The following MYPN variants were observed in gnomAD, a reference collection of about 807,000 sequenced individuals.
MYPN encodes the protein sarcomeric protein myopalladin, 145 kDa (MYOP).
In MYPN, 63 loss-of-function variants were observed where a neutral mutation model predicts 129.4. The ratio of observed to expected loss-of-function variants is 0.49; its 90% CI spans 0.40 to 0.60. The LOEUF (loss-of-function observed/expected upper bound fraction) is 0.60. Ranked by LOEUF, MYPN falls within the 20% of genes least tolerant of loss-of-function variation. The pLI is 0.00. For synonymous variants in MYPN, 629 were observed against 600.9 expected, an observed-to-expected ratio of 1.05 and a Z score of -0.68; for missense variants, 1,596 against 1,635.4, an observed-to-expected ratio of 0.98 and a Z score of 0.42.
At position 68,194,099 on chromosome 10, in the gene MYPN, C is replaced by A. The variant is rs113809903; in HGVS notation, c.2926-264C>A. On this transcript the variant is annotated intron_variant, in intron 13 of 19. Coordinates refer to ENST00000358913, the MANE Select transcript of MYPN (RefSeq NM_032578.4). Reference sequence around the variant, plus strand: ...ATGTGTGAAGTACAAGAAAAATAGTCAAAAGCTTCATCTTAGTCCTAAATT... The same window carrying A: ...ATGTGTGAAGTACAAGAAAAATAGTAAAAAGCTTCATCTTAGTCCTAAATT... Among the ~76,000 whole-genome samples, 1,251 of 152,162 alleles carry A rather than the reference C, an allele frequency of 8.2e-3. 20 individuals are homozygous for A. Among genetic ancestry groups the A allele is most frequent in the African/African-American group, 0.028 (1,163 of 41,514 alleles).
chr10:68,122,418 C>T, intron 2 of MYPN, 78 bp downstream of exon 2: 1 of 1,486,890 alleles, frequency 6.7e-7, no homozygotes, highest in East Asian at 2.3e-5. Context: ...ATCATTTAAG[C>T]ACCTGGTTTA....
upstream of MYPN, among the ~76,000 whole-genome samples, chr10:68,108,292 A>T (rs2042036723): frequency 6.6e-6 from 1 of 152,204 alleles, no homozygotes; most frequent in South Asian, 2.1e-4. Flanking sequence ...TAAACCTCCA[A>T]TGTGATCACA....
intron 18 of MYPN, among the ~76,000 whole-genome samples, chr10:68,202,493 A>G (rs1488519877): frequency 1.3e-5 from 2 of 152,140 alleles, no homozygotes; most frequent in Non-Finnish European, 2.9e-5. Context: ...TTTTTGTCCC[A>G]TGTCTTCAAT....
chr10:68,174,367 A>G lies in MYPN; in HGVS notation c.2275A>G (p.Ser759Gly). The G allele has an allele frequency of 6.2e-7, 1 of 1,614,162 alleles. No individual in the cohort carries two copies. Among genetic ancestry groups the G allele is most frequent in the South Asian group, 1.1e-5 (1 of 91,088 alleles). The change falls in exon 11 of 20, where the codon AGC (serine) becomes GGC (glycine). Residue 759 changes from serine to glycine, a missense_variant. Physicochemically the swap from Ser to Gly is moderately conservative, Grantham distance 56. Transcript: ENST00000358913. The part of the protein sequence containing the change: ...STPQTIQRTV[S>G]KESLLVSHPS... Reference sequence around the variant, plus strand: ...TCCTCAAACTATTCAGAGGACAGTGAGCAAAGAAAGCCTCTTAGTGTCTCA... The same window carrying G: ...TCCTCAAACTATTCAGAGGACAGTGGGCAAAGAAAGCCTCTTAGTGTCTCA...
chr10:68,203,775 C>T (rs2043763695), intron 18 of MYPN, among the ~76,000 whole-genome samples: 1 of 150,720 alleles, frequency 6.6e-6, no homozygotes, highest in Non-Finnish European at 1.5e-5. Context: ...TTACGATGGA[C>T]TTACCTGGAT....
intron 6 of MYPN, 171 bp from the exon 7 acceptor site, chr10:68,158,315 T>C (rs917833613): frequency 1.7e-5 from 11 of 659,768 alleles, no homozygotes; most frequent in African/African-American, 1.3e-4. Flanking sequence ...AAACAAGCTC[T>C]CAAAACTACT....
chr10:68,206,082 T>A (rs1329524437), intron 18 of MYPN, among the ~76,000 whole-genome samples: 1 of 151,866 alleles, frequency 6.6e-6, no homozygotes, highest in Admixed American at 6.6e-5. Flanking sequence ...GAAGTATGAG[T>A]GATAAGAGGG....
rs933757932 is a variant in MYPN at position 68,181,261 on chromosome 10, C to G, written c.2703+5800C>G. Among the ~76,000 whole-genome samples, 15 of 152,012 alleles carry G rather than the reference C, an allele frequency of 9.9e-5. 1 individual carries two copies. Among genetic ancestry groups the G allele is most frequent in the Admixed American group, 3.3e-4 (5 of 15,242 alleles). On this transcript the variant is annotated intron_variant, in intron 12 of 19. Transcript: ENST00000358913. ...GTGGATTGATAGTGAAACATTTGTG[C>G]AGAACAGTGCAGAAAATACCTTTAC... is the stretch of plus-strand genomic sequence containing the variant.
intron 5 of MYPN, among the ~76,000 whole-genome samples, chr10:68,149,084 C>T (rs1326526612): frequency 6.6e-6 from 1 of 152,080 alleles, no homozygotes; most frequent in East Asian, 1.9e-4. Context: ...AAAAATTAGC[C>T]AGGCATGGTG....
intron 15 of MYPN, among the ~76,000 whole-genome samples, chr10:68,196,392 C>T (rs904995243): frequency 2.6e-5 from 4 of 151,710 alleles, no homozygotes; most frequent in South Asian, 2.1e-4. Flanking sequence ...CTGACACAGA[C>T]GAATTAAATG....
intron 2 of MYPN, among the ~76,000 whole-genome samples, chr10:68,130,525 C>T (rs1038853772): frequency 3.3e-5 from 5 of 150,604 alleles, no homozygotes; most frequent in South Asian, 4.2e-4. Context: ...TCATATAACA[C>T]GTTATGAAAA....
At position 68,121,702 on chromosome 10, in the gene MYPN, G is replaced by C. The variant is rs770058259; in HGVS notation, c.264G>C (p.Leu88Phe). Residue 88 changes from leucine (L) to phenylalanine (F), a missense_variant, in exon 2 of 20, where the codon TTG becomes TTC. Transcript: ENST00000358913. ...LARLAINYDPLEKADETQARK... is the reference protein window; with the variant it reads ...LARLAINYDPFEKADETQARK... ...GACTGGCCATCAATTACGACCCTTT[G>C]GAGAAGGCAGATGAAACTCAAGCTA... The C allele has an allele frequency of 6.2e-7, 1 of 1,614,198 alleles. No individual in the cohort carries two copies. Among genetic ancestry groups the C allele is most frequent in the South Asian group, 1.1e-5 (1 of 91,082 alleles).
chr10:68,136,551 T>C, intron 2 of MYPN: 1 of 1,431,190 alleles, frequency 7.0e-7, no homozygotes, highest in Non-Finnish European at 9.1e-7. Context: ...AATTTCTAAG[T>C]GGGTCATGCT....
At chr10:68,133,900 C>A (rs1357108359) in intron 2 of MYPN, among the ~76,000 whole-genome samples, 2 of 151,664 alleles carry the variant, frequency 1.3e-5, no homozygotes, top group Non-Finnish European at 2.9e-5. Context: ...GTCTGCTCCT[C>A]CCCAGCAATC....
At chr10:68,139,284 A>G (rs192351541) in intron 2 of MYPN, among the ~76,000 whole-genome samples, 152 of 152,146 alleles carry the variant, frequency 1.0e-3, no homozygotes, top group African/African-American at 3.5e-3. Context: ...CCAAATCCCA[A>G]AACTTTCTGG....
intron 1 of MYPN, among the ~76,000 whole-genome samples, chr10:68,096,326 G>C (rs2041956338): frequency 6.6e-6 from 1 of 152,204 alleles, no homozygotes; most frequent in African/African-American, 2.4e-5. Context: ...GACTTTGGGA[G>C]GTTGAGGCAG....
At chr10:68,150,158 A>G in intron 6 of MYPN, 47 bp downstream of exon 6, 3 of 1,451,812 alleles carry the variant, frequency 2.1e-6, no homozygotes, top group Non-Finnish European at 2.9e-6. Flanking sequence ...AAGATACCAC[A>G]GCACCCAAAG....
At position 68,188,986 on chromosome 10, in the gene MYPN, G is replaced by A; in HGVS notation, c.2785G>A (p.Asp929Asn). 1.2e-6 allele frequency: 2 copies of A among 1,614,132 alleles called. No homozygotes were observed. Among genetic ancestry groups the A allele is most frequent in the Non-Finnish European group, 8.5e-7 (1 of 1,180,012 alleles). Reference sequence around the variant, plus strand: ...GGAACGTACTCCTGTTGATGAATCAGATGATGAAATTCAACATGATGAGAT... The same window carrying A: ...GGAACGTACTCCTGTTGATGAATCAAATGATGAAATTCAACATGATGAGAT... The part of the protein sequence containing the change: ...RLERTPVDES[D>N]DEIQHDEIPT... The change falls in exon 13 of 20, where the codon GAT becomes AAT. Residue 929 changes from aspartate (D) to asparagine (N), a missense_variant. By Grantham distance (23) the Asp-to-Asn change is conservative. Transcript: ENST00000358913.
Position 68,112,782 on chromosome 10 carries a change from G to A in MYPN, c.-2+3059G>A, listed in dbSNP as rs76983508. Among the ~76,000 whole-genome samples, 1,340 of 152,066 alleles carry A rather than the reference G, an allele frequency of 8.8e-3. 36 individuals carry two copies. The East Asian group carries it at 0.096, about 11-fold the overall frequency. On this transcript the variant is annotated intron_variant, in intron 1 of 19. Transcript: ENST00000358913. The stretch of plus-strand genomic sequence containing the variant: ...ACTAATTTATTAAATTACTAATGCC[G>A]TTCACACGAAAAATAGACTAGAAAT...
Sources: allele counts gnomAD v4.1 joint callset (sites outside exome capture counted in the v4.1 genomes callset), GRCh38; gene constraint gnomAD v4.1.1; transcripts MANE v1.5; gene names NCBI Gene and HGNC (gene_info 2026-07-23, HGNC 2026-07-21).